The following ARHGAP24 variants were observed in gnomAD, a reference collection of about 807,000 sequenced individuals.
ARHGAP24 encodes Rho GTPase activating protein 24.
Under a neutral mutation model 76.4 loss-of-function variants are expected in ARHGAP24, and 50 were observed. The observed-to-expected ratio is 0.65, with a 90% CI of 0.52 to 0.83. ARHGAP24 has a LOEUF of 0.83. ARHGAP24 is among the 40% of genes least tolerant of loss of function. ARHGAP24 has a pLI of 0.00. For missense variants in ARHGAP24, 930 were observed against 914.2 expected, an observed-to-expected ratio of 1.02 and a Z score of -0.22; for synonymous variants, 345 against 323.3, an observed-to-expected ratio of 1.07 and a Z score of -0.72.
At chr4:85,559,856 T>C (rs1451466596) in intron 1 of ARHGAP24, among the ~76,000 whole-genome samples, 4 of 152,240 alleles carry the variant, frequency 2.6e-5, no homozygotes, top group Non-Finnish European at 5.9e-5. Flanking sequence ...GAATTTCTCA[T>C]CTTTTCCCGT....
intron 1 of ARHGAP24, among the ~76,000 whole-genome samples, chr4:85,487,712 A>G: frequency 9.5e-6 from 1 of 105,432 alleles, no homozygotes; most frequent in South Asian, 2.5e-4. Context: ...ATTATATTAT[A>G]TAAATATATA....
At chr4:85,525,400 A>T (rs1180322098) in intron 1 of ARHGAP24, among the ~76,000 whole-genome samples, 2 of 151,412 alleles carry the variant, frequency 1.3e-5, no homozygotes, top group Non-Finnish European at 2.9e-5. Context: ...TAAGCTCTCC[A>T]CTAGGACTCA....
chr4:85,878,699 T>C (rs569616628), intron 3 of ARHGAP24, among the ~76,000 whole-genome samples: 2 of 152,318 alleles, frequency 1.3e-5, no homozygotes, highest in South Asian at 4.1e-4. Context: ...CATTTGTTTC[T>C]GTATAAAAGT....
chr4:85,995,716 G>T (rs1294987692), intron 9 of ARHGAP24, 59 bp downstream of exon 9: 2 of 1,512,280 alleles, frequency 1.3e-6, no homozygotes, highest in African/African-American at 2.8e-5. Context: ...CCTACTGTGG[G>T]ACAGGATCAC....
chr4:85,522,462 GGA>G (rs1483204388), intron 1 of ARHGAP24, among the ~76,000 whole-genome samples: 3 of 152,136 alleles, frequency 2.0e-5, no homozygotes, highest in Non-Finnish European at 4.4e-5. Flanking sequence ...AGTTGCAGTA[GGA>G]GTAGCAGAAG....
At chr4:85,506,196 G>A (rs758439874) in intron 1 of ARHGAP24, among the ~76,000 whole-genome samples, 2 of 152,128 alleles carry the variant, frequency 1.3e-5, no homozygotes, top group Non-Finnish European at 2.9e-5. Context: ...GCTACATGGG[G>A]GTCAGGGACC....
At position 85,730,498 on chromosome 4, in the gene ARHGAP24, T is replaced by C. The variant is rs114841452; in HGVS notation, c.268+8526T>C. 1.0e-2 allele frequency among the ~76,000 whole-genome samples: 1,518 copies of C among 152,244 alleles called. 25 individuals carry two copies. The highest frequency in any genetic ancestry group is 0.034 in the African/African-American group (1,414 of 41,542). On this transcript the variant is annotated intron_variant, in intron 3 of 9. Transcript: ENST00000395184. ...CACGGCTCACTGCCGCCTCAACCTC[T>C]TGGGCTCAAGTGATCCTCCTGCCTC...
At chr4:85,623,965 T>C (rs1015342995) in intron 2 of ARHGAP24, among the ~76,000 whole-genome samples, 4 of 152,116 alleles carry the variant, frequency 2.6e-5, no homozygotes, top group African/African-American at 9.7e-5. Context: ...TGAAGTTGCT[T>C]ATCAGCTTAA....
At chr4:85,913,648 A>C (rs982951614) in intron 3 of ARHGAP24, among the ~76,000 whole-genome samples, 2 of 152,148 alleles carry the variant, frequency 1.3e-5, no homozygotes, top group African/African-American at 4.8e-5. Flanking sequence ...CAGAACTAGA[A>C]TAGTGACTGG....
intron 3 of ARHGAP24, among the ~76,000 whole-genome samples, chr4:85,890,300 T>G (rs529656974): frequency 2.4e-4 from 37 of 152,344 alleles, no homozygotes; most frequent in Non-Finnish European, 4.7e-4. Context: ...TATCTCTCTC[T>G]TCTTCCTTTT....
At chr4:85,700,592 G>A (rs1724046949) in intron 2 of ARHGAP24, among the ~76,000 whole-genome samples, 1 of 152,114 alleles carries the variant, frequency 6.6e-6, no homozygotes, top group South Asian at 2.1e-4. Flanking sequence ...GGTGGTAATG[G>A]TGGTTGGGGA....
chr4:85,684,690 C>T (rs990305037), intron 2 of ARHGAP24, among the ~76,000 whole-genome samples: 6 of 152,194 alleles, frequency 3.9e-5, no homozygotes, highest in African/African-American at 1.2e-4. Flanking sequence ...CAGAGAGAGG[C>T]TGTTCTGTAC....
intron 3 of ARHGAP24, among the ~76,000 whole-genome samples, chr4:85,835,571 A>T (rs979007434): frequency 2.0e-5 from 3 of 146,816 alleles, no homozygotes; most frequent in African/African-American, 7.6e-5. Flanking sequence ...AAAAAAAAAA[A>T]GCACGGTTTG....
intron 3 of ARHGAP24, among the ~76,000 whole-genome samples, chr4:85,784,903 ATCTCTATC>A (rs1464776743): frequency 2.1e-5 from 3 of 142,428 alleles, no homozygotes; most frequent in Non-Finnish European, 3.0e-5. Context: ...ATGATTATAT[ATCTCTATC>A]TATCTATCTA....
intron 1 of ARHGAP24, among the ~76,000 whole-genome samples, chr4:85,476,063 A>G (rs901191993): frequency 6.7e-6 from 1 of 148,328 alleles, no homozygotes; most frequent in African/African-American, 2.4e-5. Context: ...ATTTATAAAT[A>G]TATTACATAT....
At chr4:85,877,816 C>T (rs1239289957) in intron 3 of ARHGAP24, among the ~76,000 whole-genome samples, 3 of 151,934 alleles carry the variant, frequency 2.0e-5, no homozygotes, top group Non-Finnish European at 4.4e-5. Flanking sequence ...TTTATGTTTA[C>T]TACTTAAAAA....
intron 2 of ARHGAP24, among the ~76,000 whole-genome samples, chr4:85,641,168 C>A (rs1400189069): frequency 6.6e-6 from 1 of 152,126 alleles, no homozygotes; most frequent in African/African-American, 2.4e-5. Flanking sequence ...ACAATTATAG[C>A]TCACTGTGGC....
chr4:85,695,381 T>A (rs1165703437), intron 2 of ARHGAP24, among the ~76,000 whole-genome samples: 1 of 152,136 alleles, frequency 6.6e-6, no homozygotes, highest in Non-Finnish European at 1.5e-5. Flanking sequence ...ATGGGGAAGG[T>A]TTAGCTAACT....
chr4:85,843,906 A>T (rs957747969), intron 3 of ARHGAP24, among the ~76,000 whole-genome samples: 4 of 152,138 alleles, frequency 2.6e-5, no homozygotes, highest in African/African-American at 4.8e-5. Context: ...TTACAGCTAA[A>T]TGTATAAAAT....
Sources: allele counts gnomAD v4.1 joint callset (sites outside exome capture counted in the v4.1 genomes callset), GRCh38; gene constraint gnomAD v4.1.1; transcripts MANE v1.5; gene names NCBI Gene and HGNC (gene_info 2026-07-23, HGNC 2026-07-21).